Variants in RALGAPA2 observed in about 807,000 individuals in gnomAD.
RALGAPA2 encodes the protein ral GTPase-activating protein subunit alpha-2.
Under a neutral mutation model 230.4 loss-of-function variants are expected in RALGAPA2, and 139 were observed. That is an observed-to-expected ratio of 0.60 (90% CI 0.53 to 0.69). The LOEUF is 0.69. Among genes scored for constraint, RALGAPA2 ranks in the 30% least tolerant of loss-of-function variants. RALGAPA2 has a pLI of 0.00. For missense variants in RALGAPA2, 2,163 were observed against 2,276.0 expected (o/e 0.95, Z 1.01); for synonymous variants, 847 against 837.8 (o/e 1.01, Z -0.19).
Position 20,662,334 on chromosome 20 carries a change from G to A in RALGAPA2, c.271-8747C>T, listed in dbSNP as rs573536228. 1.6e-4 allele frequency among the ~76,000 whole-genome samples: 24 copies of A among 152,028 alleles called. 1 individual carries two copies. In the South Asian group the frequency reaches 5.0e-3, roughly 32 times the overall value. ...AAAAAGTAATTCTCAATTACTTGTG[G>A]ATTTTAACACTCGAGTTAAAAAAAC... On this transcript the variant is annotated intron_variant, in intron 3 of 39. Transcript: ENST00000202677.
chr20:20,635,715 G>T, intron 8 of RALGAPA2, 98 bp from the exon 9 acceptor site: 3 of 1,128,028 alleles, frequency 2.7e-6, no homozygotes, highest in Non-Finnish European at 3.7e-6. Context: ...CCAATTTTTG[G>T]TTGTCTAAAT....
intron 10 of RALGAPA2, among the ~76,000 whole-genome samples, chr20:20,628,763 T>C (rs1324700916): frequency 6.6e-6 from 1 of 152,222 alleles, no homozygotes; most frequent in Non-Finnish European, 1.5e-5. Flanking sequence ...CTGATGTCAC[T>C]CACGGCCACT....
intron 4 of RALGAPA2, among the ~76,000 whole-genome samples, chr20:20,648,017 A>G (rs1473316229): frequency 1.3e-5 from 2 of 152,226 alleles, no homozygotes; most frequent in Non-Finnish European, 2.9e-5. Flanking sequence ...ATATGTTCAC[A>G]CAAAGACGAG....
Position 20,676,221 on chromosome 20 carries a change from C to T in RALGAPA2, c.270+15G>A, listed in dbSNP as rs757388603. ...ACAAGAATTATAAAAGCTAAATAAA[C>T]TCATCAAAACTTACTTCAAAAAGGA... On this transcript the variant is annotated intron_variant, in intron 3 of 39. Transcript: ENST00000202677. 2 of 1,476,806 alleles carry T rather than the reference C, an allele frequency of 1.4e-6. No individual in the cohort carries two copies. The highest frequency in any genetic ancestry group is 1.4e-5 in the African/African-American group (1 of 71,272). 91.5% of individuals were successfully genotyped at this position (1,476,806 alleles called of 1,614,324 possible).
chr20:20,677,898 G>A (rs1230081002), intron 2 of RALGAPA2, among the ~76,000 whole-genome samples: 6 of 151,568 alleles, frequency 4.0e-5, no homozygotes, highest in African/African-American at 1.2e-4. Context: ...TGCCCTCCTC[G>A]GCCTCCCAAA....
At chr20:20,629,697 T>C (rs186187256) in intron 9 of RALGAPA2, 107 bp from the exon 10 acceptor site, 403 of 1,169,916 alleles carry the variant, frequency 3.4e-4, no homozygotes, top group Non-Finnish European at 4.8e-4. Flanking sequence ...ACCATCAATG[T>C]GCACAGGGTA....
intron 37 of RALGAPA2, among the ~76,000 whole-genome samples, chr20:20,422,040 T>C (rs897602091): frequency 1.3e-5 from 2 of 152,200 alleles, no homozygotes; most frequent in Middle Eastern, 3.2e-3. Flanking sequence ...CCAAAGCCCA[T>C]ATATCGTGGG....
chr20:20,450,380 C>T (rs1043577330), intron 37 of RALGAPA2, among the ~76,000 whole-genome samples: 10 of 152,186 alleles, frequency 6.6e-5, no homozygotes, highest in African/African-American at 2.4e-4. Context: ...CCTAACTTAA[C>T]GATAATTTTG....
At chr20:20,706,698 T>C (rs1157618845) in intron 1 of RALGAPA2, among the ~76,000 whole-genome samples, 2 of 152,166 alleles carry the variant, frequency 1.3e-5, no homozygotes, top group Non-Finnish European at 2.9e-5. Context: ...GCAAAAACTG[T>C]TGTGATTTTG....
intron 7 of RALGAPA2, among the ~76,000 whole-genome samples, chr20:20,638,987 A>G (rs1039627658): frequency 1.3e-5 from 2 of 152,220 alleles, no homozygotes; most frequent in Non-Finnish European, 2.9e-5. Context: ...AATCTCATGA[A>G]GGAGGGGTAG....
chr20:20,586,526 A>C (rs1298329356), intron 18 of RALGAPA2, among the ~76,000 whole-genome samples: 1 of 152,262 alleles, frequency 6.6e-6, no homozygotes, highest in African/African-American at 2.4e-5. Context: ...TATCAGATTT[A>C]GATCCCCCAA....
chr20:20,425,479 C>T (rs1426191093), intron 37 of RALGAPA2, among the ~76,000 whole-genome samples: 1 of 152,116 alleles, frequency 6.6e-6, no homozygotes, highest in Non-Finnish European at 1.5e-5. Context: ...TTCTATGCTT[C>T]TATGAAATAA....
At chr20:20,688,660 C>A (rs1432935527) in intron 1 of RALGAPA2, among the ~76,000 whole-genome samples, 1 of 152,200 alleles carries the variant, frequency 6.6e-6, no homozygotes, top group Non-Finnish European at 1.5e-5. Context: ...GTCTCCCCGA[C>A]CAGACTGTTA....
rs1329635266 is a variant in RALGAPA2 at position 20,513,024 on chromosome 20, C to G, written c.4345G>C (p.Gly1449Arg). The G allele has an allele frequency of 2.5e-6, 4 of 1,613,534 alleles. No individual in the cohort carries two copies. In the South Asian group the frequency reaches 4.4e-5, roughly 18 times the overall value. ...YLQTPTEGPV[G>R]GSPVGSLSDV... ...GAGAGAGAGCCCACTGGTGATCCCC[C>G]TACCGGTCCTTCTGTGGGTGTCTGA... The change falls in exon 32 of 40, where the codon GGG (glycine) becomes CGG (arginine). Residue 1449 changes from glycine (G) to arginine (R), a missense_variant. Gly to Arg is a moderately radical substitution (Grantham distance 125, BLOSUM62 -2). Coordinates refer to ENST00000202677, the MANE Select transcript of RALGAPA2 (RefSeq NM_020343.4).
intron 37 of RALGAPA2, among the ~76,000 whole-genome samples, chr20:20,442,402 T>C (rs2060758182): frequency 6.6e-6 from 1 of 152,262 alleles, no homozygotes; most frequent in Non-Finnish European, 1.5e-5. Flanking sequence ...GTTATGGCCA[T>C]ACACTCAGCT....
chr20:20,606,132 C>T lies in RALGAPA2; in HGVS notation c.1801-720G>A, dbSNP rs140048928. Among the ~76,000 whole-genome samples the T allele has an allele frequency of 4.9e-3, 749 of 152,282 alleles. 7 individuals carry two copies. The highest frequency in any genetic ancestry group is 8.2e-3 in the Non-Finnish European group (555 of 68,030). Reference sequence around the variant, plus strand: ...GAAAAAATTCCCTTGAACCCAGATTCCCCCGTCTAGCTACAGCCCTTTTCC... The same window carrying T: ...GAAAAAATTCCCTTGAACCCAGATTTCCCCGTCTAGCTACAGCCCTTTTCC... On this transcript the variant is annotated intron_variant, in intron 14 of 39. Transcript: ENST00000202677.
chr20:20,517,708 C>T (rs528962153), intron 31 of RALGAPA2, among the ~76,000 whole-genome samples: 28 of 151,874 alleles, frequency 1.8e-4, no homozygotes, highest in Non-Finnish European at 3.2e-4. Context: ...CTCTCTATAA[C>T]CAAGAAACTC....
chr20:20,538,504 C>G (rs189810782), intron 24 of RALGAPA2, among the ~76,000 whole-genome samples: 5 of 152,292 alleles, frequency 3.3e-5, no homozygotes, highest in Admixed American at 2.0e-4. Flanking sequence ...GGGAAAAAGA[C>G]GTTGCAGAGA....
chr20:20,577,765 G>A (rs1229381168), intron 20 of RALGAPA2, among the ~76,000 whole-genome samples: 1 of 152,060 alleles, frequency 6.6e-6, no homozygotes, highest in African/African-American at 2.4e-5. Context: ...CATAAAGGAT[G>A]TCATGGCATT....
Sources: allele counts gnomAD v4.1 joint callset (sites outside exome capture counted in the v4.1 genomes callset), GRCh38; gene constraint gnomAD v4.1.1; transcripts MANE v1.5; gene names NCBI Gene and HGNC (gene_info 2026-07-23, HGNC 2026-07-21).